The following TARBP1 variants were observed in gnomAD, a reference collection of about 807,000 sequenced individuals.
TARBP1 encodes the protein tRNA guanosine 2 -O-methyltransferase TARBP1.
Under a neutral mutation model 178.6 loss-of-function variants are expected in TARBP1, and 144 were observed. The ratio of observed to expected loss-of-function variants is 0.81; its 90% confidence interval spans 0.70 to 0.93. The LOEUF (loss-of-function observed/expected upper bound fraction) is 0.93. Among genes scored for constraint, TARBP1 ranks in the 40% least tolerant of loss-of-function variants. TARBP1 has a pLI of 0.00. For missense variants in TARBP1, 2,067 were observed against 2,011.7 expected (o/e 1.03, Z -0.53); for synonymous variants, 787 against 781.0 (o/e 1.01, Z -0.13).
intron 24 of TARBP1, among the ~76,000 whole-genome samples, chr1:234,403,744 CG>C (rs1287604949): frequency 6.6e-6 from 1 of 152,116 alleles, no homozygotes; most frequent in African/African-American, 2.4e-5. Flanking sequence ...AGTGCAGTGG[CG>C]CAATCTTGGC....
intron 26 of TARBP1, among the ~76,000 whole-genome samples, chr1:234,395,481 T>C (rs1659835616): frequency 1.3e-5 from 2 of 152,072 alleles, no homozygotes; most frequent in Non-Finnish European, 2.9e-5. Context: ...GGGTAACGGA[T>C]GTGGCAAGAG....
chr1:234,452,779 T>TA (rs1310800882), intron 9 of TARBP1, among the ~76,000 whole-genome samples: 1 of 152,144 alleles, frequency 6.6e-6, no homozygotes, highest in African/African-American at 2.4e-5. Flanking sequence ...ACAGTAGTCT[T>TA]ACAACTGCCA....
At chr1:234,440,040 T>C (rs1376618251) in intron 12 of TARBP1, among the ~76,000 whole-genome samples, 1 of 152,196 alleles carries the variant, frequency 6.6e-6, no homozygotes, top group Non-Finnish European at 1.5e-5. Context: ...ATATGATATA[T>C]GCTCTGCGAC....
At position 234,429,603 on chromosome 1, in the gene TARBP1, C is replaced by T. The variant is rs1664183816; in HGVS notation, c.2684G>A (p.Cys895Tyr). ...VAQYIHDQWV[C>Y]LSFLLKKYHT... ...ATATTTTTTCAACAGGAAAGAGAGG[C>T]ACACCCATTGATCATGAATATATTG... is the stretch of plus-strand genomic sequence containing the variant. Residue 895 changes from cysteine (C) to tyrosine (Y), a missense_variant, in exon 16 of 30, where the codon TGC (cysteine) becomes TAC (tyrosine). Physicochemically the swap from Cys to Tyr is radical, Grantham distance 194. Coordinates refer to ENST00000040877, the MANE Select transcript of TARBP1 (RefSeq NM_005646.4). The T allele has an allele frequency of 6.2e-7, 1 of 1,614,010 alleles. No individual in the cohort carries two copies. Among genetic ancestry groups the T allele is most frequent in the Admixed American group, 1.7e-5 (1 of 59,994 alleles).
chr1:234,476,137 T>G (rs1669549540), intron 1 of TARBP1, among the ~76,000 whole-genome samples: 1 of 152,080 alleles, frequency 6.6e-6, no homozygotes, highest in South Asian at 2.1e-4. Context: ...AAGGATCTTG[T>G]GGAAAAGGTA....
intron 20 of TARBP1, among the ~76,000 whole-genome samples, chr1:234,424,801 C>T (rs1663517676): frequency 6.6e-6 from 1 of 152,094 alleles, no homozygotes; most frequent in South Asian, 2.1e-4. Flanking sequence ...GTGGCTCATG[C>T]CTGTAATCCC....
At chr1:234,394,002 A>G (rs891682922) in intron 26 of TARBP1, among the ~76,000 whole-genome samples, 165 bp from the exon 27 acceptor site, 1 of 152,236 alleles carries the variant, frequency 6.6e-6, no homozygotes, top group Non-Finnish European at 1.5e-5. Context: ...TTGGATTCAG[A>G]CACAATTCCC....
chr1:234,459,817 A>C (rs533706436), intron 7 of TARBP1, among the ~76,000 whole-genome samples: 2 of 152,130 alleles, frequency 1.3e-5, no homozygotes, highest in Non-Finnish European at 2.9e-5. Flanking sequence ...AGCTCAAAAA[A>C]AAAAAACTAT....
chr1:234,445,579 T>C (rs1666067927), intron 12 of TARBP1, among the ~76,000 whole-genome samples: 1 of 152,182 alleles, frequency 6.6e-6, no homozygotes, highest in African/African-American at 2.4e-5. Flanking sequence ...ATACATTAAA[T>C]ATGTAAAGCC....
intron 9 of TARBP1, 40 bp downstream of exon 9, chr1:234,457,627 A>T: frequency 7.1e-7 from 1 of 1,413,712 alleles, no homozygotes; most frequent in African/African-American, 1.5e-5. Flanking sequence ...ACCATTTTTT[A>T]TAGTTTTCAA....
In TARBP1 at chr1:234,391,525, G is replaced by T. The variant is rs540832751; in HGVS notation, c.*52C>A. On this transcript the variant is annotated 3_prime_UTR_variant, in exon 30 of 30. Transcript: ENST00000040877. ...AGAATCTGTTTCTTTAGTCCAAATA[G>T]TTTTTTTTAAAAAAGTCTGAACAGC... The T allele has an allele frequency of 2.0e-6, 3 of 1,509,006 alleles. No homozygotes were observed. Among genetic ancestry groups the T allele is most frequent in the East Asian group, 2.3e-5 (1 of 43,334 alleles). The allele number at this position is 1,509,006 out of a possible 1,614,324, so 93.5% of individuals were successfully genotyped here.
intron 3 of TARBP1, among the ~76,000 whole-genome samples, chr1:234,470,662 CT>C (rs1245920102): frequency 6.6e-6 from 1 of 151,934 alleles, no homozygotes; most frequent in South Asian, 2.1e-4. Flanking sequence ...TGTCACCAGC[CT>C]GGAGTGCAGC....
At chr1:234,432,045 G>A (rs1001490862) in intron 14 of TARBP1, among the ~76,000 whole-genome samples, 36 of 151,312 alleles carry the variant, frequency 2.4e-4, no homozygotes, top group Non-Finnish European at 2.5e-4. Context: ...GCTGAGGCAG[G>A]AGAATCGCTT....
chr1:234,412,836 C>T (rs1050404779), intron 22 of TARBP1, among the ~76,000 whole-genome samples: 2 of 152,090 alleles, frequency 1.3e-5, no homozygotes, highest in East Asian at 1.9e-4. Context: ...TCTCGGGTGA[C>T]CCCCGGTCAA....
intron 19 of TARBP1, among the ~76,000 whole-genome samples, chr1:234,426,308 C>T (rs867625172): frequency 1.3e-5 from 2 of 152,154 alleles, no homozygotes; most frequent in African/African-American, 4.8e-5. Context: ...TAAGTGAAAT[C>T]GTCACATTCC....
chr1:234,438,536 G>A (rs936879113), intron 12 of TARBP1, among the ~76,000 whole-genome samples: 2 of 152,140 alleles, frequency 1.3e-5, no homozygotes, highest in Non-Finnish European at 2.9e-5. Context: ...TAACAAAGGA[G>A]GTGCGAGAGG....
intron 14 of TARBP1, among the ~76,000 whole-genome samples, 167 bp from the exon 15 acceptor site, chr1:234,430,468 A>G (rs1215688048): frequency 2.0e-5 from 3 of 152,202 alleles, no homozygotes; most frequent in African/African-American, 7.2e-5. Context: ...ATTCACTTCC[A>G]CTACTTCTCT....
intron 2 of TARBP1, among the ~76,000 whole-genome samples, chr1:234,471,566 T>C (rs1669059043): frequency 6.6e-6 from 1 of 152,188 alleles, no homozygotes; most frequent in Non-Finnish European, 1.5e-5. Context: ...ACTAAGATAT[T>C]ACAAAGAGAA....
rs1021206664 is a variant in TARBP1, at chr1:234,465,644, A to G, written c.1301+12T>C. On this transcript the variant is annotated intron_variant, in intron 5 of 29. Transcript: ENST00000040877. ...TATGTATCAAATACTTCATAACATA[A>G]TGTCTCTTTACCTGCTATACAGAGA... is the stretch of plus-strand genomic sequence containing the variant. 3 of 1,560,250 alleles carry G rather than the reference A, an allele frequency of 1.9e-6. No individual in the cohort carries two copies. Among genetic ancestry groups the G allele is most frequent in the Non-Finnish European group, 2.6e-6 (3 of 1,161,728 alleles).
Sources: gnomAD v4.1 joint callset for allele counts (sites outside exome capture counted in the v4.1 genomes callset) on GRCh38, gnomAD v4.1.1 for gene constraint, MANE v1.5 for transcripts, NCBI Gene and HGNC (gene_info 2026-07-23, HGNC 2026-07-21) for gene names.